Variants in PACRG observed in about 807,000 individuals in gnomAD.
PACRG encodes parkin coregulated, also known as parkin coregulated gene protein.
Under a neutral mutation model 29.7 loss-of-function variants are expected in PACRG, and 29 were observed. The observed-to-expected ratio is 0.98, with a 90% confidence interval of 0.73 to 1.33. The LOEUF is 1.33. Ranked by LOEUF, PACRG falls within the 40% of genes most tolerant of loss-of-function variation. The pLI is 0.00. For missense variants in PACRG, 279 were observed against 316.2 expected (o/e 0.88, Z 0.89); for synonymous variants, 116 against 118.7 (o/e 0.98, Z 0.15).
intron 1 of PACRG, among the ~76,000 whole-genome samples, chr6:162,810,307 T>G (rs1040129532): frequency 5.3e-5 from 8 of 152,144 alleles, no homozygotes; most frequent in Non-Finnish European, 1.0e-4. Flanking sequence ...TCCCCCAACC[T>G]TTGCCAGAGA....
intron 2 of PACRG, among the ~76,000 whole-genome samples, chr6:163,005,083 A>C (rs1177415003): frequency 2.0e-5 from 3 of 152,018 alleles, no homozygotes; most frequent in Admixed American, 2.0e-4. Flanking sequence ...AAGCTGTATT[A>C]ATTGTCATAA....
chr6:162,881,713 G>T (rs1793863318), intron 2 of PACRG, among the ~76,000 whole-genome samples: 1 of 149,968 alleles, frequency 6.7e-6, no homozygotes, highest in African/African-American at 2.5e-5. Flanking sequence ...TGGGGGTGGG[G>T]GGGTGCACTC....
chr6:163,270,003 GAAA>G lies in PACRG; in HGVS notation c.614-44823_614-44821del, dbSNP rs1562350604. ...AGAAAGAAAGAAAGAAAGAAAGAAA[GAAA>G]GGAGGGAGGGAGGGAGGGAGGAAGG... is the stretch of plus-strand genomic sequence containing the variant. On this transcript the variant is annotated intron_variant, in intron 4 of 4. Coordinates refer to ENST00000366888, the MANE Select transcript of PACRG (RefSeq NM_001080379.2). Among the ~76,000 whole-genome samples the G allele has an allele frequency of 3.2e-3, 363 of 112,336 alleles. 34 individuals are homozygous for G. The highest frequency in any genetic ancestry group is 7.3e-3 in the African/African-American group (209 of 28,750). The allele number at this position is 112,336 out of a possible 152,430, so 73.7% of individuals were successfully genotyped here. A position where few individuals can be genotyped will look rare whatever the true frequency, so the allele number is the denominator to read the frequency against.
chr6:163,066,263 C>T (rs1349677022), intron 3 of PACRG, among the ~76,000 whole-genome samples: 4 of 152,246 alleles, frequency 2.6e-5, no homozygotes, highest in Admixed American at 1.3e-4. Context: ...GACAACAGAG[C>T]ACCTTTTAGA....
chr6:163,190,607 A>C (rs77987973), intron 4 of PACRG: 11,186 of 152,858 alleles, frequency 0.073, 1,267 homozygotes, highest in African/African-American at 0.25. Context: ...CCTGCTTTCT[A>C]CTTTTCTTCT....
intron 4 of PACRG, among the ~76,000 whole-genome samples, chr6:163,187,203 T>C (rs1779980974): frequency 6.6e-6 from 1 of 152,152 alleles, no homozygotes; most frequent in Non-Finnish European, 1.5e-5. Context: ...ATTGAACTCA[T>C]TATTGACTTC....
At chr6:162,838,784 TTCCTGTG>T (rs1416685760) in intron 2 of PACRG, among the ~76,000 whole-genome samples, 1 of 124,774 alleles carries the variant, frequency 8.0e-6, no homozygotes, top group Non-Finnish European at 1.6e-5. Flanking sequence ...GATATTCCCC[TTCCTGTG>T]TCCATGTGAT....
intron 4 of PACRG, among the ~76,000 whole-genome samples, chr6:163,230,149 C>T (rs1258734038): frequency 6.6e-6 from 1 of 152,148 alleles, no homozygotes; most frequent in East Asian, 1.9e-4. Flanking sequence ...AACATTTGCA[C>T]CATGCATTAC....
chr6:163,256,838 T>C (rs899050340), intron 4 of PACRG, among the ~76,000 whole-genome samples: 1 of 152,156 alleles, frequency 6.6e-6, no homozygotes, highest in African/African-American at 2.4e-5. Flanking sequence ...CAGACACTTA[T>C]CCTCTCACAG....
intron 2 of PACRG, among the ~76,000 whole-genome samples, chr6:163,043,561 A>T (rs1808978232): frequency 6.6e-6 from 1 of 152,148 alleles, no homozygotes; most frequent in South Asian, 2.1e-4. Flanking sequence ...AAAAAAAAAA[A>T]ATCATCAGTT....
At chr6:162,960,094 C>G (rs60055622) in intron 2 of PACRG, among the ~76,000 whole-genome samples, 23,689 of 151,994 alleles carry the variant, frequency 0.16, 3,243 homozygotes, top group African/African-American at 0.36. Flanking sequence ...TTATTAAAAA[C>G]TCAAAAAACA....
intron 2 of PACRG, among the ~76,000 whole-genome samples, chr6:162,949,162 C>T (rs1042823564): frequency 6.6e-6 from 1 of 152,088 alleles, no homozygotes; most frequent in African/African-American, 2.4e-5. Flanking sequence ...CAGTGGAATA[C>T]TATTCAGCCT....
At chr6:162,747,371 C>CATATATATGTATATATATGTAT (rs1222325628) in intron 1 of PACRG, among the ~76,000 whole-genome samples, 2 of 41,810 alleles carry the variant, frequency 4.8e-5, no homozygotes, top group Non-Finnish European at 4.0e-5. Context: ...TATACACATA[C>CATATATATGTATATATATGTAT]ATATATATGT....
At chr6:162,791,550 T>G (rs964358772) in intron 1 of PACRG, among the ~76,000 whole-genome samples, 2 of 152,192 alleles carry the variant, frequency 1.3e-5, no homozygotes, top group Admixed American at 1.3e-4. Context: ...CTATTTGCCT[T>G]GTTCACTCCT....
intron 4 of PACRG, among the ~76,000 whole-genome samples, chr6:163,099,573 G>T (rs1283602887): frequency 6.6e-6 from 1 of 152,108 alleles, no homozygotes; most frequent in African/African-American, 2.4e-5. Flanking sequence ...ACCTATTCTG[G>T]ATTTGCTGAT....
At chr6:163,219,612 A>G (rs1781495012) in intron 4 of PACRG, among the ~76,000 whole-genome samples, 1 of 151,990 alleles carries the variant, frequency 6.6e-6, no homozygotes. Flanking sequence ...GCCTGCAGTC[A>G]GCCTGCCTTT....
At chr6:163,300,722 A>G (rs531106030) in intron 4 of PACRG, among the ~76,000 whole-genome samples, 1 of 152,246 alleles carries the variant, frequency 6.6e-6, no homozygotes, top group African/African-American at 2.4e-5. Context: ...ATTAAATCCC[A>G]TAGTGATACT....
intron 2 of PACRG, among the ~76,000 whole-genome samples, chr6:162,844,500 C>T: frequency 6.6e-6 from 1 of 152,202 alleles, no homozygotes; most frequent in East Asian, 1.9e-4. Context: ...CTTTCTGGCA[C>T]TCCCTAGTGA....
intron 2 of PACRG, among the ~76,000 whole-genome samples, chr6:163,047,891 G>T (rs1405043323): frequency 6.6e-6 from 1 of 152,208 alleles, no homozygotes; most frequent in East Asian, 1.9e-4. Flanking sequence ...TTTTGTAATT[G>T]TCTCCATAAG....
Sources: gnomAD v4.1 joint callset for allele counts (sites outside exome capture counted in the v4.1 genomes callset) on GRCh38, gnomAD v4.1.1 for gene constraint, MANE v1.5 for transcripts, NCBI Gene and HGNC (gene_info 2026-07-23, HGNC 2026-07-21) for gene names.